The following C2CD3 variants were observed in gnomAD, a reference collection of about 807,000 sequenced individuals.
The protein encoded by C2CD3 is C2 domain containing 3 centriole elongation regulator.
C2CD3 carries 148 observed loss-of-function variants against 234.0 expected under a neutral mutation model. The ratio of observed to expected loss-of-function variants is 0.63; its 90% CI spans 0.55 to 0.72. The LOEUF is 0.72. Ranked by LOEUF, C2CD3 falls within the 30% of genes least tolerant of loss-of-function variation. C2CD3 has a pLI of 0.00. For synonymous variants in C2CD3, 1,000 were observed against 1,035.4 expected (o/e 0.97, Z 0.66); for missense variants, 2,577 against 2,811.5 (o/e 0.92, Z 1.89).
intron 20 of C2CD3, among the ~76,000 whole-genome samples, chr11:74,086,579 A>G (rs1019474079): frequency 6.6e-6 from 1 of 152,214 alleles, no homozygotes. Flanking sequence ...GTTCTGTAAG[A>G]TTACTTATGG....
intron 20 of C2CD3, 94 bp downstream of exon 20, chr11:74,090,719 A>T: frequency 7.1e-7 from 1 of 1,400,868 alleles, no homozygotes; most frequent in East Asian, 2.3e-5. Context: ...GTGAACTGGA[A>T]ATTATACCTA....
At chr11:74,071,942 TAAC>T (rs1338554650) in intron 24 of C2CD3, among the ~76,000 whole-genome samples, 2 of 152,176 alleles carry the variant, frequency 1.3e-5, no homozygotes. Context: ...TGCTTTTTTT[TAAC>T]AATATGGGAA....
chr11:74,051,625 G>T (rs939358690), intron 26 of C2CD3, among the ~76,000 whole-genome samples: 1 of 152,110 alleles, frequency 6.6e-6, no homozygotes, highest in African/African-American at 2.4e-5. Context: ...CTTTGTATTT[G>T]TTTTCCCCTC....
Position 74,169,892 on chromosome 11 carries a change from A to G in C2CD3, c.55+846T>C, listed in dbSNP as rs187245404. Among the ~76,000 whole-genome samples the G allele has an allele frequency of 1.2e-3, 180 of 152,262 alleles. 4 individuals carry two copies. In the South Asian group the frequency reaches 0.021, roughly 18 times the overall value. ...GCTTCAGTCCTCAACCCAATGGCCT[A>G]ATGTCCTATCACTGTTCCCAATACT... On this transcript the variant is annotated intron_variant, in intron 1 of 32. Coordinates refer to ENST00000334126, the MANE Select transcript of C2CD3 (RefSeq NM_001286577.2).
At chr11:74,021,549 C>T (rs1186087878) in intron 32 of C2CD3, among the ~76,000 whole-genome samples, 2 of 152,132 alleles carry the variant, frequency 1.3e-5, no homozygotes, top group African/African-American at 4.8e-5. Context: ...AGAGCGGGAG[C>T]AGCCAGTGAG....
Position 74,078,400 on chromosome 11 carries a change from T to G in C2CD3, c.4318A>C (p.Lys1440Gln). 1 of 1,614,160 alleles carries G rather than the reference T, an allele frequency of 6.2e-7. No homozygotes were observed. The highest frequency in any genetic ancestry group is 8.5e-7 in the Non-Finnish European group (1 of 1,180,020). The change falls in exon 23 of 33, where the codon AAG becomes CAG. Residue 1440 changes from lysine to glutamine, a missense_variant. By Grantham distance (53) the Lys-to-Gln change is moderately conservative. Transcript: ENST00000334126. ...HKNTYCYLRY[K>Q]FYDHEAFWTP... ...CAAAAGGCTTCATGATCATAGAACT[T>G]GTAGCGAAGGTAGCAATATGTATTC...
chr11:74,168,403 C>T lies in C2CD3; in HGVS notation c.266G>A (p.Arg89Lys), dbSNP rs371712497. Residue 89 changes from arginine (R) to lysine (K), a missense_variant, in exon 2 of 33, where the codon AGA becomes AAA. Arg to Lys is a conservative substitution (Grantham distance 26). Coordinates refer to ENST00000334126, the MANE Select transcript of C2CD3 (RefSeq NM_001286577.2). ...ACGAATAGCGTAACGTGTAGTTGTT[C>T]TCACAGCTTTTGGTTCAGTCTGCAA... is the stretch of plus-strand genomic sequence containing the variant. ...DALQTEPKAVRTTTRYAIRCG... is the reference protein window; with the variant it reads ...DALQTEPKAVKTTTRYAIRCG... 1.2e-5 allele frequency: 20 copies of T among 1,613,848 alleles called. No individual in the cohort carries two copies. In the African/African-American group the frequency reaches 2.1e-4, roughly 17 times the overall value.
At chr11:74,155,505 T>C (rs955292437) in intron 3 of C2CD3, among the ~76,000 whole-genome samples, 1 of 152,160 alleles carries the variant, frequency 6.6e-6, no homozygotes, top group Non-Finnish European at 1.5e-5. Flanking sequence ...ACAATCCAAA[T>C]GTCTATCAAC....
intron 26 of C2CD3, among the ~76,000 whole-genome samples, chr11:74,053,726 A>T (rs906621314): frequency 1.3e-5 from 2 of 152,256 alleles, no homozygotes; most frequent in East Asian, 3.8e-4. Flanking sequence ...GCTGTACGTT[A>T]TGATGGTTGA....
In C2CD3 at chr11:74,057,519, T is replaced by C. The variant is rs753470159; in HGVS notation, c.4977A>G (p.Val1659=). 4 of 1,614,068 alleles carry C rather than the reference T, an allele frequency of 2.5e-6. No individual in the cohort carries two copies. The highest frequency in any genetic ancestry group is 3.4e-6 in the Non-Finnish European group (4 of 1,180,018). The change falls in exon 25 of 33, where the codon GTA becomes GTG. Residue 1659 remains valine (V), a synonymous_variant. Coordinates refer to ENST00000334126, the MANE Select transcript of C2CD3 (RefSeq NM_001286577.2). The part of the protein sequence containing the change: ...LKGSPLTERK[V]SIPSCCVSFA... The stretch of plus-strand genomic sequence containing the variant: ...AGGATACACAACAACTGGGTATCGA[T>C]ACTTTCCGCTCTGTCAAGGGGCTCC...
Position 74,098,014 on chromosome 11 carries a change from C to CATGTA in C2CD3, c.2973_2974insTACAT (p.Ala992TyrfsTer12), listed in dbSNP as rs1427257004. 1.4e-5 allele frequency: 22 copies of CATGTA among 1,613,724 alleles called. No individual in the cohort carries two copies. The highest frequency in any genetic ancestry group is 1.9e-5 in the Non-Finnish European group (22 of 1,179,912). ...TAAACCATAGCGTTTATTACCATAGCAACAGATGCTGCAGTTGGCTGGTCC... is the reference window on the plus strand; with the variant it reads ...TAAACCATAGCGTTTATTACCATAGCATGTAAACAGATGCTGCAGTTGGCTGGTCC... On this transcript the variant is annotated frameshift_variant, in exon 16 of 33. Transcript: ENST00000334126. LOFTEE classifies it high-confidence loss of function.
chr11:74,027,671 C>T (rs1618253), intron 32 of C2CD3, among the ~76,000 whole-genome samples: 9,357 of 152,184 alleles, frequency 0.061, 896 homozygotes, highest in African/African-American at 0.2. Context: ...TTATTTACTA[C>T]TATATGCTCA....
chr11:74,016,739 C>T (rs982254149), intron 32 of C2CD3: 1 of 152,362 alleles, frequency 6.6e-6, no homozygotes, highest in Non-Finnish European at 1.5e-5. Context: ...TTGGCCAGAG[C>T]AGGGATACCC....
At chr11:74,038,592 G>C (rs920148806) in intron 29 of C2CD3, among the ~76,000 whole-genome samples, 18 of 152,132 alleles carry the variant, frequency 1.2e-4, no homozygotes, top group Admixed American at 1.1e-3. Context: ...GTTCCAGCTG[G>C]GTTCGTTCCT....
Position 74,123,082 on chromosome 11 carries a change from G to T in C2CD3, c.1271C>A (p.Ser424Tyr). 6.2e-7 allele frequency: 1 copy of T among 1,612,230 alleles called. No individual in the cohort carries two copies. Among genetic ancestry groups the T allele is most frequent in the African/African-American group, 1.3e-5 (1 of 75,016 alleles). ...ATACACATCACTCCCAGGAGATGGGGAATCTGGAGGAGAGCCTAGCCCATC... is the reference window on the plus strand; with the variant it reads ...ATACACATCACTCCCAGGAGATGGGTAATCTGGAGGAGAGCCTAGCCCATC... The part of the protein sequence containing the change: ...FWDGLGSPPD[S>Y]PSPGSDVYCI... Residue 424 changes from serine (S) to tyrosine (Y), a missense_variant, in exon 8 of 33, where the codon TCC becomes TAC. Transcript: ENST00000334126.
chr11:74,040,073 C>T (rs1345985867), intron 29 of C2CD3, among the ~76,000 whole-genome samples: 1 of 152,174 alleles, frequency 6.6e-6, no homozygotes, highest in East Asian at 1.9e-4. Flanking sequence ...GGAACTGGGC[C>T]GCACAGCAGG....
chr11:74,114,352 T>C, intron 10 of C2CD3, 32 bp downstream of exon 10: 1 of 1,508,420 alleles, frequency 6.6e-7, no homozygotes, highest in Non-Finnish European at 9.2e-7. Context: ...TCCAAAAATG[T>C]CAAATTTAGC....
chr11:74,103,769 G>A (rs1590811643), intron 13 of C2CD3, 144 bp from the exon 14 acceptor site: 1 of 662,656 alleles, frequency 1.5e-6, no homozygotes, highest in East Asian at 2.7e-5. Context: ...TTAACAGAAT[G>A]CATATACATT....
intron 19 of C2CD3, 98 bp from the exon 20 acceptor site, chr11:74,091,034 A>G: frequency 8.4e-7 from 1 of 1,184,240 alleles, no homozygotes; most frequent in Non-Finnish European, 1.2e-6. Flanking sequence ...GAGGATTAAC[A>G]CTACAACGAA....
Sources: gnomAD v4.1 joint callset for allele counts (sites outside exome capture counted in the v4.1 genomes callset) on GRCh38, gnomAD v4.1.1 for gene constraint, MANE v1.5 for transcripts, NCBI Gene and HGNC (gene_info 2026-07-23, HGNC 2026-07-21) for gene names.